PTPRB: variants seen among roughly 807,000 people sequenced by gnomAD.
PTPRB encodes protein tyrosine phosphatase receptor type B.
In PTPRB, 97 loss-of-function variants were observed where a neutral mutation model predicts 238.1. That is an observed-to-expected ratio of 0.41 (90% CI 0.35 to 0.48). The LOEUF is 0.48. PTPRB is among the 20% of genes least tolerant of loss of function. The pLI is 0.30. For missense variants in PTPRB, 2,292 were observed against 2,681.9 expected, an observed-to-expected ratio of 0.85 and a Z score of 3.21; for synonymous variants, 970 against 995.4, an observed-to-expected ratio of 0.97 and a Z score of 0.48.
chr12:70,597,444 T>C (rs1221918369), intron 4 of PTPRB, among the ~76,000 whole-genome samples: 1 of 152,206 alleles, frequency 6.6e-6, no homozygotes, highest in Non-Finnish European at 1.5e-5. Context: ...ACTAAGTCAA[T>C]GATATTTAGT....
chr12:70,556,960 C>G (rs1877777398), intron 18 of PTPRB, among the ~76,000 whole-genome samples: 1 of 152,148 alleles, frequency 6.6e-6, no homozygotes, highest in Non-Finnish European at 1.5e-5. Flanking sequence ...GCTCTAACCT[C>G]TACAAATGGA....
chr12:70,544,687 A>G, intron 21 of PTPRB, 24 bp from the exon 22 acceptor site: 1 of 1,485,064 alleles, frequency 6.7e-7, no homozygotes, highest in Non-Finnish European at 9.1e-7. Flanking sequence ...CGATTTATTT[A>G]AATATAAATT....
At chr12:70,525,181 T>G (rs906615881) in intron 32 of PTPRB, among the ~76,000 whole-genome samples, 1 of 152,190 alleles carries the variant, frequency 6.6e-6, no homozygotes, top group Admixed American at 6.5e-5. Context: ...CAAAAGTAAC[T>G]TCTCCAAGGT....
chr12:70,583,416 G>A (rs1881582091), intron 9 of PTPRB, among the ~76,000 whole-genome samples: 1 of 152,138 alleles, frequency 6.6e-6, no homozygotes. Context: ...GGATCATAAA[G>A]CGAACTGTTG....
chr12:70,598,238 A>G (rs1025473637), intron 4 of PTPRB, among the ~76,000 whole-genome samples: 4 of 152,220 alleles, frequency 2.6e-5, no homozygotes, highest in African/African-American at 9.6e-5. Context: ...CAGTTTCCTC[A>G]TTTATGCAAT....
chr12:70,580,908 T>C (rs932734637), intron 10 of PTPRB, 128 bp downstream of exon 10: 162 of 1,056,138 alleles, frequency 1.5e-4, no homozygotes, highest in Non-Finnish European at 2.0e-4. Context: ...TGGCTAGCTT[T>C]TGTGAAACTT....
intron 2 of PTPRB, among the ~76,000 whole-genome samples, chr12:70,624,120 A>G (rs1184924403): frequency 2.0e-5 from 3 of 152,210 alleles, no homozygotes; most frequent in Non-Finnish European, 2.9e-5. Context: ...GCAAATAAAA[A>G]TACATTCTAT....
intron 18 of PTPRB, among the ~76,000 whole-genome samples, chr12:70,556,441 GATATATCA>G (rs1458001612): frequency 3.3e-5 from 5 of 152,112 alleles, no homozygotes; most frequent in African/African-American, 1.2e-4. Flanking sequence ...TGAGCCTGAG[GATATATCA>G]ATAGAGACCT....
chr12:70,609,305 G>A lies in PTPRB; in HGVS notation c.743C>T (p.Thr248Ile), dbSNP rs767749522. ...GCTGGAGGCCTTGGACTCCGCCAGGGTGAAGTTACATCTCTCTGGCTCCGC... is the reference window on the plus strand; with the variant it reads ...GCTGGAGGCCTTGGACTCCGCCAGGATGAAGTTACATCTCTCTGGCTCCGC... The part of the protein sequence containing the change: ...GLAEPERCNF[T>I]LAESKASSHS... Residue 248 changes from threonine (T) to isoleucine (I), a missense_variant, in exon 4 of 34, where the codon ACC becomes ATC. Transcript: ENST00000334414. 5.0e-6 allele frequency: 8 copies of A among 1,613,928 alleles called. No homozygotes were observed. In the East Asian group the frequency reaches 1.8e-4, roughly 36 times the overall value.
At position 70,622,582 on chromosome 12, in the gene PTPRB, A is replaced by G. The variant is rs750248538; in HGVS notation, c.516T>C (p.Thr172=). The G allele has an allele frequency of 2.5e-6, 4 of 1,595,268 alleles. No individual in the cohort carries two copies. In the South Asian group the frequency reaches 4.5e-5, roughly 18 times the overall value. The change falls in exon 3 of 34, where the codon ACT becomes ACC. Residue 172 remains threonine (T), a synonymous_variant. Transcript: ENST00000334414. ...GGCCATCTGGAACTGCATTAAAGGT[A>G]GTGAGAATCTGGGGTGGAGCCGTGT... The part of the protein sequence containing the change: ...TRNTAPPQIL[T]TFNAVPDGLV...
At position 70,536,015 on chromosome 12, in the gene PTPRB, G is replaced by A. The variant is rs1411205464; in HGVS notation, c.6081+10C>T. 2 of 1,611,940 alleles carry A rather than the reference G, an allele frequency of 1.2e-6. No individual in the cohort carries two copies. The highest frequency in any genetic ancestry group is 3.3e-5 in the Admixed American group (2 of 59,974). Reference sequence around the variant, plus strand: ...GCAAAGCTTTGATGCCAGGAAGGCTGTTTACTCACTCGGCCCTTCTCAACA... The same window carrying A: ...GCAAAGCTTTGATGCCAGGAAGGCTATTTACTCACTCGGCCCTTCTCAACA... On this transcript the variant is annotated intron_variant, in intron 29 of 33. Transcript: ENST00000334414.
In PTPRB at chr12:70,516,068, A is replaced by T. The variant is rs1871181580; in HGVS notation, c.*5421T>A. 2.0e-5 allele frequency: 3 copies of T among 152,226 alleles called. No individual in the cohort carries two copies. The highest frequency in any genetic ancestry group is 7.2e-5 in the African/African-American group (3 of 41,470). 9.4% of individuals were successfully genotyped at this position (152,226 alleles called of 1,614,324 possible). A position where few individuals can be genotyped will look rare whatever the true frequency, so the allele number is the denominator to read the frequency against. On this transcript the variant is annotated 3_prime_UTR_variant, in exon 34 of 34. Transcript: ENST00000334414. Reference sequence around the variant, plus strand: ...TAGATGCTATAATATGAAAAAATAGAATCATCTGCCATCTTAACTGGATTT... The same window carrying T: ...TAGATGCTATAATATGAAAAAATAGTATCATCTGCCATCTTAACTGGATTT...
rs183205730 is a variant in PTPRB at position 70,629,293 on chromosome 12, C to A, written c.451+6378G>T. On this transcript the variant is annotated intron_variant, in intron 2 of 33. Coordinates refer to ENST00000334414, the MANE Select transcript of PTPRB (RefSeq NM_001109754.4). ...AATTAAAACTCAGCATTAAAAAATT[C>A]ACTCAAAACCGCACAACTACATGGT... Among the ~76,000 whole-genome samples, 541 of 152,250 alleles carry A rather than the reference C, an allele frequency of 3.6e-3. 2 individuals carry two copies. Among genetic ancestry groups the A allele is most frequent in the Non-Finnish European group, 5.5e-3 (377 of 67,998 alleles).
At chr12:70,600,863 T>C (rs1490778106) in intron 4 of PTPRB, among the ~76,000 whole-genome samples, 2 of 151,884 alleles carry the variant, frequency 1.3e-5, no homozygotes, top group Non-Finnish European at 2.9e-5. Flanking sequence ...GCCCAGCTAA[T>C]TTTTGTATTT....
chr12:70,573,997 A>G (rs1880412573), intron 11 of PTPRB, among the ~76,000 whole-genome samples: 2 of 152,192 alleles, frequency 1.3e-5, no homozygotes, highest in Admixed American at 6.5e-5. Context: ...CTGAATTTTA[A>G]TTCAACAGTA....
chr12:70,609,547 TGG>T (rs1203112019), intron 3 of PTPRB, among the ~76,000 whole-genome samples: 1 of 152,206 alleles, frequency 6.6e-6, no homozygotes, highest in Non-Finnish European at 1.5e-5. Flanking sequence ...TGAGAGCAGC[TGG>T]AGAGAGAAGG....
chr12:70,524,626 T>C, intron 32 of PTPRB, 35 bp from the exon 33 acceptor site: 2 of 1,563,092 alleles, frequency 1.3e-6, no homozygotes, highest in Non-Finnish European at 1.7e-6. Flanking sequence ...GAGGAGGGCC[T>C]GTTCTCATGC....
intron 25 of PTPRB, 54 bp downstream of exon 25, chr12:70,539,773 T>C: frequency 1.3e-6 from 2 of 1,596,022 alleles, no homozygotes; most frequent in South Asian, 2.2e-5. Flanking sequence ...ATAACTATTC[T>C]GACTCATATT....
At chr12:70,554,864 A>G (rs1451937524) in intron 20 of PTPRB, among the ~76,000 whole-genome samples, 2 of 152,218 alleles carry the variant, frequency 1.3e-5, no homozygotes, top group African/African-American at 4.8e-5. Flanking sequence ...CCAATAGTGC[A>G]CAGCACGTAG....
Sources: allele counts gnomAD v4.1 joint callset (sites outside exome capture counted in the v4.1 genomes callset), GRCh38; gene constraint gnomAD v4.1.1; transcripts MANE v1.5; gene names NCBI Gene and HGNC (gene_info 2026-07-23, HGNC 2026-07-21).